The following VTI1A variants were observed in gnomAD, a reference collection of about 807,000 sequenced individuals.
The protein encoded by VTI1A is vesicle transport through interaction with t-SNAREs homolog 1A.
Under a neutral mutation model 34.9 loss-of-function variants are expected in VTI1A, and 22 were observed. The ratio of observed to expected loss-of-function variants is 0.63; its 90% CI spans 0.45 to 0.90. The LOEUF (loss-of-function observed/expected upper bound fraction) is 0.90. VTI1A is among the 40% of genes least tolerant of loss of function. The probability of loss-of-function intolerance (pLI) is 0.00; values close to 1 mark genes in which losing one functional copy is unlikely to be tolerated. For synonymous variants in VTI1A, 87 were observed against 97.3 expected (o/e 0.89, Z 0.62); for missense variants, 268 against 275.6 (o/e 0.97, Z 0.20).
chr10:112,642,977 C>CTTTTTTTTT (rs58619611), intron 5 of VTI1A, among the ~76,000 whole-genome samples: 22 of 121,020 alleles, frequency 1.8e-4, no homozygotes, highest in Admixed American at 4.7e-4. Context: ...TTTTTCTTTT[C>CTTTTTTTTT]TTTTTTTTTT....
At chr10:112,818,937 C>T (rs1853599196), downstream of VTI1A, among the ~76,000 whole-genome samples, 1 of 152,036 alleles carries the variant, frequency 6.6e-6, no homozygotes, top group Admixed American at 6.5e-5. Flanking sequence ...GCGTCTTCCA[C>T]AGAGAAAGAT....
chr10:112,759,495 G>A (rs892043665), intron 7 of VTI1A, among the ~76,000 whole-genome samples: 2 of 152,124 alleles, frequency 1.3e-5, no homozygotes, highest in South Asian at 2.1e-4. Flanking sequence ...CATGCCTACC[G>A]AACCAACGTT....
intron 2 of VTI1A, 98 bp from the exon 3 acceptor site, chr10:112,464,449 A>C (rs1272985967): frequency 2.8e-6 from 3 of 1,090,752 alleles, no homozygotes; most frequent in Non-Finnish European, 2.7e-6. Context: ...CCTCAACTAC[A>C]AAATGAGGAA....
intron 5 of VTI1A, among the ~76,000 whole-genome samples, chr10:112,618,524 T>TAGAGAGAGAGAG (rs6144094): frequency 0.01 from 347 of 34,546 alleles, 22 homozygotes; most frequent in African/African-American, 0.014. Context: ...TATATATATA[T>TAGAGAGAGAGAG]AGAGAGAGAG....
At chr10:112,640,207 A>G (rs1846514717) in intron 5 of VTI1A, among the ~76,000 whole-genome samples, 1 of 152,234 alleles carries the variant, frequency 6.6e-6, no homozygotes, top group African/African-American at 2.4e-5. Flanking sequence ...TTGCAAAAAT[A>G]GAACACAGAT....
chr10:112,846,469 T>G, the VTI1A span, among the ~76,000 whole-genome samples: 1 of 152,148 alleles, frequency 6.6e-6, no homozygotes, highest in Non-Finnish European at 1.5e-5. Flanking sequence ...ACTGAGCATT[T>G]GAAATATGGC....
At chr10:112,634,529 AC>A (rs1230539318) in intron 5 of VTI1A, among the ~76,000 whole-genome samples, 12 of 150,158 alleles carry the variant, frequency 8.0e-5, no homozygotes, top group Non-Finnish European at 1.8e-4. Flanking sequence ...ACACACACAC[AC>A]ACACACACAC....
At chr10:112,585,242 T>C (rs1844098943) in intron 5 of VTI1A, among the ~76,000 whole-genome samples, 1 of 152,210 alleles carries the variant, frequency 6.6e-6, no homozygotes, top group Admixed American at 6.5e-5. Context: ...GGTGCACCAC[T>C]GTTATGAATC....
chr10:112,489,201 G>A (rs1019556303), intron 3 of VTI1A, among the ~76,000 whole-genome samples: 4 of 152,168 alleles, frequency 2.6e-5, no homozygotes, highest in African/African-American at 7.2e-5. Flanking sequence ...AGGACCATAC[G>A]TTGAGAACTA....
chr10:112,830,516 C>T, the VTI1A span, among the ~76,000 whole-genome samples: 1 of 151,310 alleles, frequency 6.6e-6, no homozygotes, highest in African/African-American at 2.4e-5. Flanking sequence ...GAAGGTCCAC[C>T]TGATTCTTGC....
At chr10:112,518,583 CTCTCTCTATATATATA>C (rs1849879563) in intron 3 of VTI1A, among the ~76,000 whole-genome samples, 1 of 83,204 alleles carries the variant, frequency 1.2e-5, no homozygotes, top group Non-Finnish European at 2.3e-5. Flanking sequence ...CTCTCTCTCT[CTCTCTCTATATATATA>C]TATATATATA....
At chr10:112,512,310 G>A (rs185888025) in intron 3 of VTI1A, among the ~76,000 whole-genome samples, 5 of 152,124 alleles carry the variant, frequency 3.3e-5, no homozygotes, top group African/African-American at 1.2e-4. Context: ...TTGTTATATC[G>A]AGCATTTTTT....
intron 7 of VTI1A, among the ~76,000 whole-genome samples, chr10:112,683,916 G>T (rs1205745599): frequency 6.6e-6 from 1 of 152,120 alleles, no homozygotes; most frequent in Non-Finnish European, 1.5e-5. Context: ...ATTGCTGGGT[G>T]CCTGTAATCG....
At chr10:112,618,522 T>TAGAGAGAGAGAGAGAGAGAGAGAGAGAG (rs1350356577) in intron 5 of VTI1A, among the ~76,000 whole-genome samples, 10 of 43,672 alleles carry the variant, frequency 2.3e-4, no homozygotes, top group East Asian at 1.0e-3. Context: ...TATATATATA[T>TAGAGAGAGAGAGAGAGAGAGAGAGAGAG]ATAGAGAGAG....
intron 5 of VTI1A, among the ~76,000 whole-genome samples, chr10:112,603,978 T>A (rs1039937993): frequency 2.6e-5 from 4 of 152,214 alleles, no homozygotes; most frequent in Non-Finnish European, 5.9e-5. Context: ...TTTTCCTGTG[T>A]CCAGTGTGCT....
chr10:112,763,075 C>A (rs1191288352), intron 7 of VTI1A, among the ~76,000 whole-genome samples: 1 of 152,072 alleles, frequency 6.6e-6, no homozygotes, highest in African/African-American at 2.4e-5. Flanking sequence ...ATTAGTGGTA[C>A]CAGTTTGGTG....
chr10:112,763,633 A>C (rs1851554602), intron 7 of VTI1A, among the ~76,000 whole-genome samples: 1 of 152,184 alleles, frequency 6.6e-6, no homozygotes. Context: ...GGCATTTACA[A>C]TCCTGCTTCG....
At chr10:112,500,328 G>A (rs1217632788) in intron 3 of VTI1A, among the ~76,000 whole-genome samples, 3 of 151,898 alleles carry the variant, frequency 2.0e-5, no homozygotes, top group Non-Finnish European at 2.9e-5. Flanking sequence ...ACAGCAAGTC[G>A]GGAGGCTGAG....
intron 3 of VTI1A, among the ~76,000 whole-genome samples, chr10:112,525,152 G>T (rs1197094717): frequency 6.6e-6 from 1 of 152,164 alleles, no homozygotes; most frequent in Non-Finnish European, 1.5e-5. Context: ...ACTGAGTTGG[G>T]TCACTACTGA....
Sources: gnomAD v4.1 joint callset for allele counts (sites outside exome capture counted in the v4.1 genomes callset) on GRCh38, gnomAD v4.1.1 for gene constraint, MANE v1.5 for transcripts, NCBI Gene and HGNC (gene_info 2026-07-23, HGNC 2026-07-21) for gene names.